The following POFUT3 variants were observed in gnomAD, a reference collection of about 807,000 sequenced individuals.
POFUT3 encodes GDP-fucose protein O-fucosyltransferase 3.
chr8:33,315,757 ACC>A, the POFUT3 span, among the ~76,000 whole-genome samples: 5 of 152,144 alleles, frequency 3.3e-5, no homozygotes, highest in Middle Eastern at 3.4e-3. Context: ...GAATAATAAG[ACC>A]TCTTTTTTTC....
At chr8:33,382,118 C>A in the POFUT3 span, among the ~76,000 whole-genome samples, 1 of 152,180 alleles carries the variant, frequency 6.6e-6, no homozygotes, top group Non-Finnish European at 1.5e-5. Context: ...CATGGCAAAA[C>A]TCCATCTGTA....
At chr8:33,440,170 C>A in the POFUT3 span, among the ~76,000 whole-genome samples, 6 of 152,042 alleles carry the variant, frequency 3.9e-5, no homozygotes, top group Non-Finnish European at 8.8e-5. Context: ...CAAAACCAGC[C>A]TGGGTAACAT....
the POFUT3 span, among the ~76,000 whole-genome samples, chr8:33,383,985 G>A: frequency 6.6e-6 from 1 of 151,894 alleles, no homozygotes; most frequent in Non-Finnish European, 1.5e-5. Context: ...AGATGGTAGG[G>A]GACTACCAGG....
chr8:33,409,848 T>C, the POFUT3 span, among the ~76,000 whole-genome samples: 17 of 152,138 alleles, frequency 1.1e-4, no homozygotes, highest in African/African-American at 4.1e-4. Flanking sequence ...GAGCTTGCAG[T>C]GAGCGGAGAT....
chr8:33,363,315 C>G, the POFUT3 span, among the ~76,000 whole-genome samples: 1 of 152,086 alleles, frequency 6.6e-6, no homozygotes, highest in Non-Finnish European at 1.5e-5. Context: ...CTAGAGAAAG[C>G]AGGAAAGATC....
At chr8:33,448,374 T>C in the POFUT3 span, among the ~76,000 whole-genome samples, 3 of 152,052 alleles carry the variant, frequency 2.0e-5, no homozygotes, top group Non-Finnish European at 4.4e-5. Flanking sequence ...AGTTGGAGGA[T>C]GGAGTGAGCT....
the POFUT3 span, chr8:33,461,738 A>G: frequency 4.3e-6 from 5 of 1,152,486 alleles, no homozygotes; most frequent in Non-Finnish European, 5.8e-6. Context: ...GCAACAAAAG[A>G]TCATCTTTTA....
the POFUT3 span, among the ~76,000 whole-genome samples, chr8:33,451,163 T>G: frequency 6.6e-6 from 1 of 151,864 alleles, no homozygotes; most frequent in Non-Finnish European, 1.5e-5. Context: ...GTTTTTTAGA[T>G]TTTGGATTTT....
At chr8:33,315,753 T>C in the POFUT3 span, among the ~76,000 whole-genome samples, 30 of 152,268 alleles carry the variant, frequency 2.0e-4, no homozygotes, top group East Asian at 5.0e-3. Flanking sequence ...ATTTGAATAA[T>C]AAGACCTCTT....
chr8:33,324,413 G>A, the POFUT3 span, among the ~76,000 whole-genome samples: 1 of 152,080 alleles, frequency 6.6e-6, no homozygotes, highest in African/African-American at 2.4e-5. Context: ...TTTTTAGGAT[G>A]CAAGGATTTG....
the POFUT3 span, among the ~76,000 whole-genome samples, chr8:33,366,253 G>A: frequency 6.6e-6 from 1 of 152,146 alleles, no homozygotes; most frequent in East Asian, 1.9e-4. Context: ...ACCAGGGCCT[G>A]TCGGGGATGG....
At chr8:33,347,407 C>T in the POFUT3 span, among the ~76,000 whole-genome samples, 1 of 152,334 alleles carries the variant, frequency 6.6e-6, no homozygotes, top group African/African-American at 2.4e-5. Flanking sequence ...ATTATCCAGA[C>T]TTGGCTTTGG....
the POFUT3 span, among the ~76,000 whole-genome samples, chr8:33,464,903 CA>C: frequency 6.6e-6 from 1 of 152,122 alleles, no homozygotes; most frequent in African/African-American, 2.4e-5. Context: ...GCTAGTATAT[CA>C]GAGAAAAAAG....
At chr8:33,343,089 C>T in the POFUT3 span, among the ~76,000 whole-genome samples, 13 of 145,296 alleles carry the variant, frequency 8.9e-5, no homozygotes, top group South Asian at 4.5e-4. Context: ...CCAGCCTGGG[C>T]GACAGAGCAA....
chr8:33,350,109 A>G, the POFUT3 span, among the ~76,000 whole-genome samples: 1 of 152,010 alleles, frequency 6.6e-6, no homozygotes, highest in African/African-American at 2.4e-5. Flanking sequence ...AGAATTGTCT[A>G]TTCATGTTTT....
the POFUT3 span, among the ~76,000 whole-genome samples, chr8:33,403,494 T>A: frequency 6.6e-6 from 1 of 151,962 alleles, no homozygotes; most frequent in African/African-American, 2.4e-5. Context: ...GGCAGGAGAA[T>A]CATTTGAGGC....
At chr8:33,346,710 G>A in the POFUT3 span, among the ~76,000 whole-genome samples, 1 of 152,060 alleles carries the variant, frequency 6.6e-6, no homozygotes, top group African/African-American at 2.4e-5. Flanking sequence ...AAGTAAAAAT[G>A]TTTGGAACAT....
At chr8:33,424,033 G>A in the POFUT3 span, among the ~76,000 whole-genome samples, 64 of 151,956 alleles carry the variant, frequency 4.2e-4, no homozygotes, top group South Asian at 0.013. Context: ...CAGCTACTCA[G>A]GAGACTGAGG....
the POFUT3 span, among the ~76,000 whole-genome samples, chr8:33,408,001 A>G: frequency 6.6e-5 from 10 of 150,958 alleles, no homozygotes; most frequent in South Asian, 4.2e-4. Flanking sequence ...AAAAAAAAAA[A>G]AAAAGAAAAG....
Sources: allele counts gnomAD v4.1 joint callset (sites outside exome capture counted in the v4.1 genomes callset), GRCh38; gene constraint gnomAD v4.1.1; transcripts MANE v1.5; gene names NCBI Gene and HGNC (gene_info 2026-07-23, HGNC 2026-07-21).